Variants in FEZ2 observed in about 807,000 individuals in gnomAD.
FEZ2 encodes fasciculation and elongation protein zeta-2.
A neutral mutation model predicts 40.4 loss-of-function variants in FEZ2; 51 were observed. The observed-to-expected ratio is 1.26, with a 90% CI of 1.01 to 1.59. The LOEUF (loss-of-function observed/expected upper bound fraction) is 1.59. FEZ2 is among the 40% of genes most tolerant of loss of function. The probability of loss-of-function intolerance (pLI) is 0.00; values close to 1 mark genes in which losing one functional copy is unlikely to be tolerated. For missense variants in FEZ2, 640 were observed against 438.3 expected (o/e 1.46, Z -4.11); for synonymous variants, 242 against 172.0 (o/e 1.41, Z -3.18).
intron 2 of FEZ2, chr2:36,589,645 A>G (rs1409888012): frequency 6.6e-6 from 1 of 152,244 alleles, no homozygotes; most frequent in Non-Finnish European, 1.5e-5. Context: ...CCTTTTCATT[A>G]AATATATGCC....
At chr2:36,570,969 A>G (rs368533990) in intron 5 of FEZ2, among the ~76,000 whole-genome samples, 2 of 152,202 alleles carry the variant, frequency 1.3e-5, no homozygotes, top group East Asian at 3.9e-4. Context: ...GACCTCTCTA[A>G]CACATAAAGA....
intron 5 of FEZ2, among the ~76,000 whole-genome samples, chr2:36,565,675 G>T (rs1359036137): frequency 6.6e-6 from 1 of 152,148 alleles, no homozygotes; most frequent in Non-Finnish European, 1.5e-5. Context: ...CCACAGAACA[G>T]AGCCAGGCTC....
chr2:36,564,932 G>A (rs921235918), intron 5 of FEZ2, among the ~76,000 whole-genome samples: 4 of 152,190 alleles, frequency 2.6e-5, no homozygotes, highest in African/African-American at 9.7e-5. Context: ...GTGTTGCAAT[G>A]GCTGGCTTAA....
At chr2:36,577,368 C>CT (rs1668604250) in intron 5 of FEZ2, among the ~76,000 whole-genome samples, 1 of 152,020 alleles carries the variant, frequency 6.6e-6, no homozygotes, top group African/African-American at 2.4e-5. Flanking sequence ...AGCAATTCTC[C>CT]TGCCTCAGCC....
intron 5 of FEZ2, among the ~76,000 whole-genome samples, chr2:36,570,346 T>C (rs572968426): frequency 6.6e-6 from 1 of 152,240 alleles, no homozygotes; most frequent in East Asian, 1.9e-4. Context: ...AAAAATATAA[T>C]ACAAAGATCT....
chr2:36,568,707 T>C (rs72868454), intron 5 of FEZ2, among the ~76,000 whole-genome samples: 92 of 152,316 alleles, frequency 6.0e-4, no homozygotes, highest in African/African-American at 2.1e-3. Flanking sequence ...TACTGACAAA[T>C]GCCAAAGTAA....
chr2:36,555,943 A>G, intron 6 of FEZ2, 195 bp from the exon 7 acceptor site: 1 of 679,068 alleles, frequency 1.5e-6, no homozygotes. Context: ...GTAAGTCCAC[A>G]AGAATTTATT....
intron 7 of FEZ2, chr2:36,554,214 G>T (rs1217346455): frequency 4.2e-6 from 2 of 471,286 alleles, no homozygotes; most frequent in Non-Finnish European, 8.8e-6. Flanking sequence ...AATTAGATGG[G>T]TGCTGCTTCC....
At chr2:36,571,388 C>T (rs1003980073) in intron 5 of FEZ2, among the ~76,000 whole-genome samples, 1 of 152,168 alleles carries the variant, frequency 6.6e-6, no homozygotes, top group Non-Finnish European at 1.5e-5. Context: ...GAGCCGGGCA[C>T]GGTTGCTCAC....
At position 36,598,131 on chromosome 2, in the gene FEZ2, G is replaced by A. The variant is rs865891568; in HGVS notation, c.12C>T (p.Asp4=). Residue 4 remains aspartate (D), a synonymous_variant, in exon 1 of 8, where the codon GAC becomes GAT. Transcript: ENST00000405912. MAA[D]GDWQDFYEFQ... ...ACTCATAGAAATCCTGCCAGTCCCCGTCCGCCGCCATCGCCGCCCGGAGCA... is the reference window on the plus strand; with the variant it reads ...ACTCATAGAAATCCTGCCAGTCCCCATCCGCCGCCATCGCCGCCCGGAGCA... The A allele has an allele frequency of 1.7e-5, 25 of 1,472,922 alleles. No individual in the cohort carries two copies. The highest frequency in any genetic ancestry group is 2.4e-4 in the Middle Eastern group (1 of 4,234). The allele number at this position is 1,472,922 out of a possible 1,614,324, so 91.2% of individuals were successfully genotyped here. A position where few individuals can be genotyped will look rare whatever the true frequency, so the allele number is the denominator to read the frequency against.
chr2:36,587,807 T>G (rs1054280528), intron 2 of FEZ2, among the ~76,000 whole-genome samples: 3 of 151,906 alleles, frequency 2.0e-5, no homozygotes, highest in African/African-American at 7.3e-5. Flanking sequence ...AAAAAAAAAA[T>G]GCTTAATTAT....
At chr2:36,571,000 TTTTTACTACA>T (rs1405889193) in intron 5 of FEZ2, among the ~76,000 whole-genome samples, 7 of 152,168 alleles carry the variant, frequency 4.6e-5, no homozygotes, top group Non-Finnish European at 1.0e-4. Context: ...GGACTCCTGA[TTTTTACTACA>T]TTAACTGATG....
chr2:36,593,342 G>C lies in FEZ2; in HGVS notation c.267-2331C>G, dbSNP rs143262076. On this transcript the variant is annotated intron_variant, in intron 1 of 7. Transcript: ENST00000405912. ...GGCAGTGCCCCAGTAGGGACTCTGT[G>C]TGGGGGCTCCAACCCCACATTTCCC... Among the ~76,000 whole-genome samples, 627 of 152,198 alleles carry C rather than the reference G, an allele frequency of 4.1e-3. 50 individuals are homozygous for C. In the East Asian group the frequency reaches 0.091, roughly 22 times the overall value.
chr2:36,561,213 A>G (rs1668084924), intron 5 of FEZ2: 1 of 171,538 alleles, frequency 5.8e-6, no homozygotes, highest in South Asian at 2.0e-4. Context: ...TTATTTACCT[A>G]CATTTTATCA....
At chr2:36,576,372 C>A (rs900668295) in intron 5 of FEZ2, among the ~76,000 whole-genome samples, 2 of 151,984 alleles carry the variant, frequency 1.3e-5, no homozygotes, top group African/African-American at 2.4e-5. Flanking sequence ...TGGGTTCAAG[C>A]GATTCTCATG....
chr2:36,589,344 G>C (rs1669000955), intron 2 of FEZ2, among the ~76,000 whole-genome samples: 1 of 152,152 alleles, frequency 6.6e-6, no homozygotes, highest in African/African-American at 2.4e-5. Flanking sequence ...CCCCACAAGT[G>C]CCATCAGTTC....
chr2:36,591,320 C>T (rs1244400563), intron 1 of FEZ2: 1 of 255,072 alleles, frequency 3.9e-6, no homozygotes, highest in Non-Finnish European at 7.5e-6. Context: ...CATGTATTAA[C>T]TCATGTAATC....
At chr2:36,594,493 T>G (rs112134674) in intron 1 of FEZ2, 2,626 of 195,472 alleles carry the variant, frequency 0.013, 28 homozygotes, top group Non-Finnish European at 0.02. Context: ...CAAGGGAAAA[T>G]GAGGAAGGAG....
chr2:36,597,274 T>A (rs1171592356), intron 1 of FEZ2, among the ~76,000 whole-genome samples: 2 of 152,164 alleles, frequency 1.3e-5, no homozygotes, highest in Non-Finnish European at 2.9e-5. Context: ...CTCCCACTCA[T>A]CAGTCAGATC....
Sources: allele counts gnomAD v4.1 joint callset (sites outside exome capture counted in the v4.1 genomes callset), GRCh38; gene constraint gnomAD v4.1.1; transcripts MANE v1.5; gene names NCBI Gene and HGNC (gene_info 2026-07-23, HGNC 2026-07-21).